MCF2L2: variants seen among roughly 807,000 people sequenced by gnomAD.
MCF2L2 encodes probable guanine nucleotide exchange factor MCF2L2.
A neutral mutation model predicts 150.2 loss-of-function variants in MCF2L2; 102 were observed. The ratio of observed to expected loss-of-function variants is 0.68; its 90% confidence interval spans 0.58 to 0.80. The LOEUF (loss-of-function observed/expected upper bound fraction) is 0.80, where lower values mean the gene tolerates loss of function less well. Ranked by LOEUF, MCF2L2 falls within the 30% of genes least tolerant of loss-of-function variation. The pLI is 0.00. For synonymous variants in MCF2L2, 465 were observed against 491.3 expected (o/e 0.95, Z 0.71); for missense variants, 1,256 against 1,372.8 (o/e 0.91, Z 1.34).
At chr3:183,308,479 A>G (rs898654798) in intron 10 of MCF2L2, among the ~76,000 whole-genome samples, 5 of 152,108 alleles carry the variant, frequency 3.3e-5, no homozygotes, top group Non-Finnish European at 7.4e-5. Flanking sequence ...GTTCCTGATG[A>G]CTCATGTGTC....
At chr3:183,238,221 C>T (rs1453315116) in intron 15 of MCF2L2, among the ~76,000 whole-genome samples, 2 of 149,864 alleles carry the variant, frequency 1.3e-5, no homozygotes, top group Non-Finnish European at 3.0e-5. Flanking sequence ...TTTCTTAAAA[C>T]GTTATGAGAT....
chr3:183,287,668 A>T (rs888960991), intron 14 of MCF2L2: 1 of 152,202 alleles, frequency 6.6e-6, no homozygotes, highest in African/African-American at 2.4e-5. Flanking sequence ...ATGGTGATGC[A>T]ATTCCTCCAA....
chr3:183,237,912 G>A (rs1333914916), intron 15 of MCF2L2, among the ~76,000 whole-genome samples: 24 of 107,200 alleles, frequency 2.2e-4, no homozygotes, highest in African/African-American at 3.7e-4. Flanking sequence ...CTTTGTTCTC[G>A]TTGGTTTCAA....
chr3:183,386,615 G>A (rs1165882288), intron 2 of MCF2L2, among the ~76,000 whole-genome samples: 1 of 152,208 alleles, frequency 6.6e-6, no homozygotes, highest in Admixed American at 6.5e-5. Context: ...AGTGAAATTG[G>A]TAGAAAATTT....
chr3:183,306,353 A>G (rs930288340), intron 10 of MCF2L2, among the ~76,000 whole-genome samples: 1 of 149,782 alleles, frequency 6.7e-6, no homozygotes, highest in East Asian at 1.9e-4. Context: ...AGAGTGAGGG[A>G]AAAAATGGCT....
Position 183,283,504 on chromosome 3 carries a change from C to T in MCF2L2, c.1776+5616G>A, listed in dbSNP as rs1021317413. Among the ~76,000 whole-genome samples the T allele has an allele frequency of 3.3e-5, 5 of 151,974 alleles. No individual in the cohort carries two copies. The highest frequency in any genetic ancestry group is 1.2e-4 in the African/African-American group (5 of 41,368). The stretch of plus-strand genomic sequence containing the variant: ...CTGGAATGCCCTTCAGTGTCTTACC[C>T]ACCTTTCAGAGTTCTATTTATTCTT... On this transcript the variant is annotated intron_variant, in intron 14 of 29. Coordinates refer to ENST00000328913, the MANE Select transcript of MCF2L2 (RefSeq NM_015078.4). This position sits in a 1 kb window ranked among gnomAD's most constrained non-coding sequence, Gnocchi z 4.2.
At position 183,278,170 on chromosome 3, in the gene MCF2L2, T is replaced by G. The variant is rs1393936415; in HGVS notation, c.1777-1213A>C. Among the ~76,000 whole-genome samples, 3 of 151,028 alleles carry G rather than the reference T, an allele frequency of 2.0e-5. No homozygotes were observed. In the East Asian group the frequency reaches 5.8e-4, roughly 29 times the overall value. On this transcript the variant is annotated intron_variant, in intron 14 of 29. Coordinates refer to ENST00000328913, the MANE Select transcript of MCF2L2 (RefSeq NM_015078.4). ...CTGCACTCCAGTCTGGGCGACACAGTGAGACCCTGTCTCAAAAGAAAAAAT... is the reference window on the plus strand; with the variant it reads ...CTGCACTCCAGTCTGGGCGACACAGGGAGACCCTGTCTCAAAAGAAAAAAT...
intron 1 of MCF2L2, among the ~76,000 whole-genome samples, chr3:183,395,935 A>AAAAGAAAG (rs71629981): frequency 1.0e-5 from 1 of 99,112 alleles, no homozygotes; most frequent in East Asian, 2.5e-4. Context: ...AAAAAAAAAA[A>AAAAGAAAG]AAAGAAAGAA....
intron 2 of MCF2L2, among the ~76,000 whole-genome samples, chr3:183,385,936 G>A (rs1713805966): frequency 1.3e-5 from 2 of 152,144 alleles, no homozygotes; most frequent in East Asian, 3.9e-4. Flanking sequence ...CCTAATGTCT[G>A]GAATTGCAGC....
chr3:183,213,292 G>A (rs542224359), intron 22 of MCF2L2, among the ~76,000 whole-genome samples: 1 of 147,714 alleles, frequency 6.8e-6, no homozygotes, highest in East Asian at 2.0e-4. Context: ...ATAGATAGAA[G>A]TAAATTATAA....
At chr3:183,363,401 A>G (rs1712331205) in intron 3 of MCF2L2, among the ~76,000 whole-genome samples, 1 of 152,258 alleles carries the variant, frequency 6.6e-6, no homozygotes, top group Non-Finnish European at 1.5e-5. Flanking sequence ...TAATTGCCAA[A>G]ACTGAAAATA....
intron 3 of MCF2L2, among the ~76,000 whole-genome samples, chr3:183,354,600 G>C (rs1370674940): frequency 1.3e-5 from 2 of 151,108 alleles, no homozygotes; most frequent in Admixed American, 1.3e-4. Context: ...ATCCACCTAT[G>C]ATCTGTAAGT....
At chr3:183,241,084 G>T (rs184924475) in intron 15 of MCF2L2, among the ~76,000 whole-genome samples, 91 of 152,326 alleles carry the variant, frequency 6.0e-4, no homozygotes, top group African/African-American at 2.1e-3. Flanking sequence ...GTGTGATAAG[G>T]TAAGGCTAGT....
chr3:183,410,131 T>A (rs1577133701), intron 1 of MCF2L2, among the ~76,000 whole-genome samples: 1 of 152,136 alleles, frequency 6.6e-6, no homozygotes, highest in South Asian at 2.1e-4. Flanking sequence ...ATTCCCCTTA[T>A]CCCGCCAATT....
At chr3:183,193,186 A>G in intron 26 of MCF2L2, 90 bp from the exon 27 acceptor site, 1 of 1,051,084 alleles carries the variant, frequency 9.5e-7, no homozygotes, top group Non-Finnish European at 1.5e-6. Context: ...TGGCCCACCT[A>G]GTGTATCTCT....
intron 14 of MCF2L2, among the ~76,000 whole-genome samples, chr3:183,282,341 G>A (rs981417840): frequency 1.3e-5 from 2 of 151,914 alleles, no homozygotes; most frequent in African/African-American, 4.8e-5. Flanking sequence ...ACCACGCCCA[G>A]CTAATTTTTT....
In MCF2L2 at chr3:183,305,853, A is replaced by G. The variant is rs1395836708; in HGVS notation, c.1113+3863T>C. Among the ~76,000 whole-genome samples, 1 of 152,196 alleles carries G rather than the reference A, an allele frequency of 6.6e-6. No homozygotes were observed. The highest frequency in any genetic ancestry group is 2.4e-5 in the African/African-American group (1 of 41,448). The stretch of plus-strand genomic sequence containing the variant: ...GGCAAGAGTGAAACTCCGTCTCAAA[A>G]AAAAGGGCAACTAAGGAGCAACCCG... On this transcript the variant is annotated intron_variant, in intron 10 of 29. Coordinates refer to ENST00000328913, the MANE Select transcript of MCF2L2 (RefSeq NM_015078.4). The surrounding 1 kb of genome is among the most constrained non-coding windows in gnomAD (Gnocchi z 4.1).
In MCF2L2 at chr3:183,223,979, A is replaced by G. The variant is rs866619106; in HGVS notation, c.2208+119T>C. On this transcript the variant is annotated intron_variant, in intron 19 of 29. Transcript: ENST00000328913. The stretch of plus-strand genomic sequence containing the variant: ...CATGTGTAATTTCAAAGTATGGGAC[A>G]CTTTAAATAAACATAAATCGCAATG... 31 of 768,678 alleles carry G rather than the reference A, an allele frequency of 4.0e-5. No individual in the cohort carries two copies. In the Middle Eastern group the frequency reaches 2.6e-3, roughly 65 times the overall value. 47.6% of individuals were successfully genotyped at this position (768,678 alleles called of 1,614,324 possible). A position where few individuals can be genotyped will look rare whatever the true frequency, so the allele number is the denominator to read the frequency against.
At chr3:183,203,412 T>C (rs1023906493) in intron 25 of MCF2L2, among the ~76,000 whole-genome samples, 2 of 152,148 alleles carry the variant, frequency 1.3e-5, no homozygotes, top group Admixed American at 1.3e-4. Context: ...AAACAGAAAT[T>C]CTAGATTTCA....
Sources: gnomAD v4.1 joint callset for allele counts (sites outside exome capture counted in the v4.1 genomes callset) on GRCh38, gnomAD v4.1.1 for gene constraint, Gnocchi (gnomAD v3.1) non-coding constraint, MANE v1.5 for transcripts, NCBI Gene and HGNC (gene_info 2026-07-23, HGNC 2026-07-21) for gene names.